The following RANBP2 variants were observed in gnomAD, a reference collection of about 807,000 sequenced individuals.
RANBP2 encodes the protein E3 SUMO-protein ligase RanBP2.
RANBP2 carries 57 observed loss-of-function variants against 303.6 expected under a neutral mutation model. That is an observed-to-expected ratio of 0.19 (90% CI 0.15 to 0.23). RANBP2 has a LOEUF of 0.23. RANBP2 is among the 10% of genes least tolerant of loss of function. The pLI is 1.00. For synonymous variants in RANBP2, 1,167 were observed against 1,301.5 expected (o/e 0.90, Z 2.23); for missense variants, 3,138 against 3,780.8 (o/e 0.83, Z 4.46).
chr2:109,177,619 AGGTGAG>A, the RANBP2 span, among the ~76,000 whole-genome samples: 2 of 152,028 alleles, frequency 1.3e-5, no homozygotes, highest in Admixed American at 6.6e-5. Flanking sequence ...CAGGGTGTTG[AGGTGAG>A]GGTGAGGGTG....
chr2:108,924,843 G>A, the RANBP2 span, among the ~76,000 whole-genome samples: 1 of 152,208 alleles, frequency 6.6e-6, no homozygotes, highest in Non-Finnish European at 1.5e-5. Flanking sequence ...CTTTCTATGA[G>A]GCAGGCCAAG....
At chr2:109,207,191 A>G in the RANBP2 span, among the ~76,000 whole-genome samples, 1 of 152,236 alleles carries the variant, frequency 6.6e-6, no homozygotes, top group East Asian at 1.9e-4. Flanking sequence ...CTATGCTCTC[A>G]TCTTGTGCAA....
At chr2:109,632,280 A>G in the RANBP2 span, among the ~76,000 whole-genome samples, 1 of 152,180 alleles carries the variant, frequency 6.6e-6, no homozygotes, top group Non-Finnish European at 1.5e-5. Flanking sequence ...GTACTAGCAA[A>G]TGATCAAACC....
chr2:109,577,523 T>G, the RANBP2 span, among the ~76,000 whole-genome samples: 1 of 146,930 alleles, frequency 6.8e-6, no homozygotes, highest in Non-Finnish European at 1.5e-5. Flanking sequence ...GTGCAGGAGG[T>G]GGAGGTTGCA....
the RANBP2 span, among the ~76,000 whole-genome samples, chr2:109,467,961 G>T: frequency 6.6e-6 from 1 of 152,174 alleles, no homozygotes; most frequent in African/African-American, 2.4e-5. Context: ...CGGGCTGCTG[G>T]GTCAGAGGCA....
the RANBP2 span, chr2:109,398,564 C>T: frequency 6.6e-7 from 1 of 1,517,918 alleles, no homozygotes; most frequent in Non-Finnish European, 8.9e-7. Flanking sequence ...TTTAATGCAG[C>T]CTCCCCTCTC....
the RANBP2 span, among the ~76,000 whole-genome samples, chr2:109,568,558 T>C: frequency 6.6e-6 from 1 of 152,122 alleles, no homozygotes; most frequent in Non-Finnish European, 1.5e-5. Flanking sequence ...CTTGTAAGAT[T>C]AATCTTTCAT....
At chr2:108,888,993 A>G in the RANBP2 span, among the ~76,000 whole-genome samples, 1 of 151,348 alleles carries the variant, frequency 6.6e-6, no homozygotes, top group Non-Finnish European at 1.5e-5. Flanking sequence ...GTTTTGCTTT[A>G]TTGTTTCTTC....
chr2:109,140,823 C>A, the RANBP2 span, among the ~76,000 whole-genome samples: 6 of 152,208 alleles, frequency 3.9e-5, no homozygotes, highest in Admixed American at 3.9e-4. Flanking sequence ...CCAAACTAAT[C>A]AGTGCCCCAT....
chr2:109,615,390 ACC>A, the RANBP2 span: 1 of 1,613,032 alleles, frequency 6.2e-7, no homozygotes, highest in Non-Finnish European at 8.5e-7. Context: ...GGACTTCATT[ACC>A]GGCTTCACTT....
chr2:108,897,855 C>A, the RANBP2 span, among the ~76,000 whole-genome samples: 1 of 152,310 alleles, frequency 6.6e-6, no homozygotes, highest in East Asian at 1.9e-4. Flanking sequence ...CCTGGACATT[C>A]TGTGTAAAAC....
the RANBP2 span, among the ~76,000 whole-genome samples, chr2:109,132,686 A>G: frequency 6.6e-6 from 1 of 152,202 alleles, no homozygotes; most frequent in Non-Finnish European, 1.5e-5. Flanking sequence ...AGTGACCTTT[A>G]AACAGTCCTG....
chr2:109,446,811 G>A, the RANBP2 span, among the ~76,000 whole-genome samples: 96,862 of 151,910 alleles, frequency 0.64, 31,133 homozygotes, highest in African/African-American at 0.68. Flanking sequence ...TGCGGCAGGC[G>A]AGGGGAAGCC....
the RANBP2 span, among the ~76,000 whole-genome samples, chr2:109,350,906 C>G: frequency 6.6e-6 from 1 of 152,230 alleles, no homozygotes; most frequent in Non-Finnish European, 1.5e-5. Flanking sequence ...ATGGTATAAC[C>G]TGCCTTTATA....
chr2:109,027,850 C>T, the RANBP2 span, among the ~76,000 whole-genome samples: 1 of 152,314 alleles, frequency 6.6e-6, no homozygotes, highest in East Asian at 1.9e-4. Flanking sequence ...CCTGCCAGTC[C>T]CCTACTTCTG....
At chr2:109,294,341 G>A in the RANBP2 span, among the ~76,000 whole-genome samples, 2 of 151,982 alleles carry the variant, frequency 1.3e-5, no homozygotes, top group Admixed American at 6.6e-5. Flanking sequence ...CTGGTGGATC[G>A]CTTGAGTCCA....
the RANBP2 span, among the ~76,000 whole-genome samples, chr2:109,423,978 G>A: frequency 0.015 from 2,295 of 152,324 alleles, 61 homozygotes; most frequent in African/African-American, 0.053. Flanking sequence ...AGACCCTGGC[G>A]GGCAAAGGTC....
At chr2:108,944,322 G>A in the RANBP2 span, among the ~76,000 whole-genome samples, 10 of 152,074 alleles carry the variant, frequency 6.6e-5, no homozygotes, top group Admixed American at 6.5e-4. Flanking sequence ...CCATGTTGGC[G>A]GGGCTGGTCC....
the RANBP2 span, among the ~76,000 whole-genome samples, chr2:109,325,817 A>T: frequency 1.3e-5 from 2 of 152,358 alleles, no homozygotes; most frequent in South Asian, 4.1e-4. Context: ...CAGGGCAAAG[A>T]TGCTGGCCCG....
Sources: allele counts gnomAD v4.1 joint callset (sites outside exome capture counted in the v4.1 genomes callset), GRCh38; gene constraint gnomAD v4.1.1; transcripts MANE v1.5; gene names NCBI Gene and HGNC (gene_info 2026-07-23, HGNC 2026-07-21).